Variants in RPL7L1 observed in about 807,000 individuals in gnomAD.
RPL7L1 encodes the protein ribosomal protein L7 like 1.
Under a neutral mutation model 30.3 loss-of-function variants are expected in RPL7L1, and 20 were observed. The ratio of observed to expected loss-of-function variants is 0.66; its 90% CI spans 0.46 to 0.96. The LOEUF is 0.96. Ranked by LOEUF, RPL7L1 falls within the 40% of genes least tolerant of loss-of-function variation. RPL7L1 has a pLI of 0.00. For synonymous variants in RPL7L1, 107 were observed against 110.1 expected (o/e 0.97, Z 0.18); for missense variants, 271 against 314.9 (o/e 0.86, Z 1.05).
At chr6:42,885,143 T>C (rs956001016) in intron 4 of RPL7L1, among the ~76,000 whole-genome samples, 1 of 151,914 alleles carries the variant, frequency 6.6e-6, no homozygotes, top group Non-Finnish European at 1.5e-5. Flanking sequence ...GGTCAGGAGA[T>C]TGAGACCATC....
chr6:42,884,560 G>A (rs528627337), intron 3 of RPL7L1, 53 bp from the exon 4 acceptor site: 152 of 1,571,134 alleles, frequency 9.7e-5, no homozygotes, highest in Admixed American at 2.4e-4. Context: ...GTGCTTGCTG[G>A]ACTGACATAA....
At chr6:42,881,608 T>C (rs527604494) in intron 2 of RPL7L1, 3 of 152,272 alleles carry the variant, frequency 2.0e-5, no homozygotes, top group African/African-American at 7.2e-5. Flanking sequence ...AGTCTCACTC[T>C]TGCCTAGAGT....
At chr6:42,885,641 C>A in intron 4 of RPL7L1, 1 of 203,788 alleles carries the variant, frequency 4.9e-6, no homozygotes, top group African/African-American at 2.3e-5. Context: ...ATTTCCAACT[C>A]TTGCACCATC....
rs1435274715 is a variant in RPL7L1 at position 42,886,192 on chromosome 6, T to C, written c.560-64T>C. 5 of 1,478,124 alleles carry C rather than the reference T, an allele frequency of 3.4e-6. No homozygotes were observed. The African/African-American group carries it at 6.9e-5, about 21-fold the overall frequency. The allele number at this position is 1,478,124 out of a possible 1,614,324, so 91.6% of individuals were successfully genotyped here. A position where few individuals can be genotyped will look rare whatever the true frequency, so the allele number is the denominator to read the frequency against. ...TTGGGGCCCCAAGAGTCTGCCAGAG[T>C]GGCCAGCTTAGTATATGCTGGATAC... On this transcript the variant is annotated intron_variant, in intron 5 of 5. Transcript: ENST00000493763.
rs1766013735 is a variant in RPL7L1, at chr6:42,880,008, C to T, written c.41+57C>T. 12 of 1,552,454 alleles carry T rather than the reference C, an allele frequency of 7.7e-6. No individual in the cohort carries two copies. In the South Asian group the frequency reaches 7.8e-5, roughly 10 times the overall value. On this transcript the variant is annotated intron_variant, in intron 1 of 5. Transcript: ENST00000493763. ...GGGGTCTTGAGTATCCGGTGCCATC[C>T]ACGGTGTTTATGCCTTGGTGGCGGA...
chr6:42,880,040 T>C (rs1766014843), intron 1 of RPL7L1, 89 bp downstream of exon 1: 1 of 1,300,674 alleles, frequency 7.7e-7, no homozygotes, highest in African/African-American at 1.5e-5. Flanking sequence ...CGGATTCCTG[T>C]GGGCTCTAGG....
At chr6:42,881,111 G>GGTT in intron 2 of RPL7L1, 145 bp downstream of exon 2, 1 of 604,858 alleles carries the variant, frequency 1.7e-6, no homozygotes, top group Non-Finnish European at 2.9e-6. Flanking sequence ...GTCCTTAAGG[G>GGTT]GTTGGTTCCA....
At position 42,884,689 on chromosome 6, in the gene RPL7L1, G is replaced by C; in HGVS notation, c.388G>C (p.Val130Leu). 1.2e-6 allele frequency: 2 copies of C among 1,613,788 alleles called. No individual in the cohort carries two copies. Among genetic ancestry groups the C allele is most frequent in the Non-Finnish European group, 1.7e-6 (2 of 1,179,712 alleles). Reference sequence around the variant, plus strand: ...AAAGAAAATTTTTAGTGGTGTCTTTGTAAAAGTCACCCCCCAGAATCTAAA... The same window carrying C: ...AAAGAAAATTTTTAGTGGTGTCTTTCTAAAAGTCACCCCCCAGAATCTAAA... ...RLKKIFSGVF[V>L]KVTPQNLKML... Residue 130 changes from valine (V) to leucine (L), a missense_variant, in exon 4 of 6, where the codon GTA becomes CTA. Physicochemically the swap from Val to Leu is conservative, Grantham distance 32 (BLOSUM62 1). Transcript: ENST00000493763.
At chr6:42,880,991 G>A (rs1210777397) in intron 2 of RPL7L1, 25 bp downstream of exon 2, 4 of 1,236,330 alleles carry the variant, frequency 3.2e-6, no homozygotes, top group East Asian at 2.3e-5. Context: ...CCAAGAGAAA[G>A]TAATTAGAAT....
chr6:42,884,883 C>T (rs1766206227), intron 4 of RPL7L1, 133 bp downstream of exon 4: 4 of 806,194 alleles, frequency 5.0e-6, no homozygotes, highest in Non-Finnish European at 7.9e-6. Flanking sequence ...AACCTGAAAT[C>T]AGTGGGTAGC....
chr6:42,884,532 G>A, intron 3 of RPL7L1, 81 bp from the exon 4 acceptor site: 1 of 1,292,674 alleles, frequency 7.7e-7, no homozygotes, highest in Non-Finnish European at 1.1e-6. Flanking sequence ...ATTACCCAGT[G>A]TAGTGACCTC....
chr6:42,885,989 G>A lies in RPL7L1; in HGVS notation c.465G>A (p.Lys155=). The change falls in exon 5 of 6, where the codon AAG becomes AAA. Residue 155 remains lysine (K), a synonymous_variant. Transcript: ENST00000493763. ...PYVTWGFPNL[K]SVRELILKRG... is the part of the protein sequence containing the mutation. ...TCCTACATAGATTTCCAAATCTGAA[G>A]TCTGTCCGAGAACTCATTTTGAAAC... The A allele has an allele frequency of 6.2e-7, 1 of 1,600,650 alleles. No homozygotes were observed. Among genetic ancestry groups the A allele is most frequent in the Non-Finnish European group, 8.6e-7 (1 of 1,169,336 alleles).
intron 4 of RPL7L1, chr6:42,885,648 C>A: frequency 4.8e-6 from 1 of 208,558 alleles, no homozygotes; most frequent in Non-Finnish European, 9.8e-6. Context: ...ACTCTTGCAC[C>A]ATCTTGAGTA....
intron 4 of RPL7L1, 101 bp from the exon 5 acceptor site, chr6:42,885,873 T>C: frequency 1.4e-6 from 1 of 689,994 alleles, no homozygotes; most frequent in Non-Finnish European, 2.7e-6. Flanking sequence ...TTGGGAGAAG[T>C]GAGTGTGTGG....
chr6:42,885,998 A>G lies in RPL7L1; in HGVS notation c.474A>G (p.Arg158=), dbSNP rs1766250902. Residue 158 remains arginine, a synonymous_variant, in exon 5 of 6, where the codon CGA becomes CGG. Transcript: ENST00000493763. ...TWGFPNLKSV[R]ELILKRGQAK... Reference sequence around the variant, plus strand: ...GATTTCCAAATCTGAAGTCTGTCCGAGAACTCATTTTGAAACGTGGACAAG... The same window carrying G: ...GATTTCCAAATCTGAAGTCTGTCCGGGAACTCATTTTGAAACGTGGACAAG... The G allele has an allele frequency of 5.0e-6, 8 of 1,606,746 alleles. No homozygotes were observed. Among genetic ancestry groups the G allele is most frequent in the Non-Finnish European group, 6.8e-6 (8 of 1,174,856 alleles).
In RPL7L1 at chr6:42,888,086, T is replaced by C. The variant is rs1234816161; in HGVS notation, c.*1622T>C. 3 of 151,894 alleles carry C rather than the reference T, an allele frequency of 2.0e-5. No individual in the cohort carries two copies. The highest frequency in any genetic ancestry group is 2.1e-4 in the South Asian group (1 of 4,816). The allele number at this position is 151,894 out of a possible 1,614,324, so 9.4% of individuals were successfully genotyped here. On this transcript the variant is annotated 3_prime_UTR_variant, in exon 6 of 6. Transcript: ENST00000493763. ...TGAGGACCCCTTCGCCAGGAAAACATGTATACACTCAAAATTTTGCTTGCA... is the reference window on the plus strand; with the variant it reads ...TGAGGACCCCTTCGCCAGGAAAACACGTATACACTCAAAATTTTGCTTGCA...
At chr6:42,879,982 TGG>T (rs1217325820) in intron 1 of RPL7L1, 31 bp downstream of exon 1, 1 of 1,610,484 alleles carries the variant, frequency 6.2e-7, no homozygotes, top group Admixed American at 1.7e-5. Context: ...ATATCTGGAG[TGG>T]GGTCTTGAGT....
chr6:42,888,293 A>G lies in RPL7L1; in HGVS notation c.*1829A>G, dbSNP rs1766353734. 6.6e-6 allele frequency: 1 copy of G among 152,198 alleles called. No homozygotes were observed. Among genetic ancestry groups the G allele is most frequent in the Non-Finnish European group, 1.5e-5 (1 of 68,064 alleles). The allele number at this position is 152,198 out of a possible 1,614,324, so 9.4% of individuals were successfully genotyped here. On this transcript the variant is annotated 3_prime_UTR_variant, in exon 6 of 6. Transcript: ENST00000493763. ...CAGCCCCTTGATCAGCTGGGATTAC[A>G]TGCATGTACCACCACACCCAGCTAA... is the stretch of plus-strand genomic sequence containing the variant.
At chr6:42,880,031 G>T in intron 1 of RPL7L1, 80 bp downstream of exon 1, 4 of 1,338,238 alleles carry the variant, frequency 3.0e-6, no homozygotes, top group South Asian at 1.2e-5. Context: ...CCTTGGTGGC[G>T]GATTCCTGTG....
Sources: allele counts gnomAD v4.1 joint callset (sites outside exome capture counted in the v4.1 genomes callset), GRCh38; gene constraint gnomAD v4.1.1; transcripts MANE v1.5; gene names NCBI Gene and HGNC (gene_info 2026-07-23, HGNC 2026-07-21).